The following IBTK variants were observed in gnomAD, a reference collection of about 807,000 sequenced individuals.
IBTK encodes BTK-binding protein.
In IBTK, 83 loss-of-function variants were observed where a neutral mutation model predicts 154.9. That is an observed-to-expected ratio of 0.54 (90% CI 0.45 to 0.64). The LOEUF (loss-of-function observed/expected upper bound fraction) is 0.64, where lower values mean the gene tolerates loss of function less well. Among genes scored for constraint, IBTK ranks in the 30% least tolerant of loss-of-function variants. IBTK has a pLI of 0.00. For missense variants in IBTK, 1,332 were observed against 1,584.6 expected (o/e 0.84, Z 2.71); for synonymous variants, 515 against 536.1 (o/e 0.96, Z 0.54).
chr6:82,236,945 T>C (rs1027574370), intron 2 of IBTK, among the ~76,000 whole-genome samples: 2 of 152,226 alleles, frequency 1.3e-5, no homozygotes, highest in African/African-American at 2.4e-5. Context: ...CACTGTTATG[T>C]ATCTATCACT....
At position 82,214,387 on chromosome 6, in the gene IBTK, C is replaced by T. The variant is rs1045050186; in HGVS notation, c.2044G>A (p.Ala682Thr). The T allele has an allele frequency of 6.2e-7, 1 of 1,613,998 alleles. No homozygotes were observed. The highest frequency in any genetic ancestry group is 8.5e-7 in the Non-Finnish European group (1 of 1,179,938). The change falls in exon 12 of 29, where the codon GCA (alanine) becomes ACA (threonine). Residue 682 changes from alanine to threonine, a missense_variant. This residue lies in a region of IBTK where 1,134 missense variants were observed against 1,274.7 expected (regional missense o/e 0.89). Transcript: ENST00000306270. ...TGATTACTTTTGTAAACTTCAAATG[C>T]AGACTTCTGGTTATCATCTTCATGG... ...NFHEDDNQKS[A>T]FEVYKSNQAQ...
At chr6:82,191,015 A>T in intron 25 of IBTK, 58 bp downstream of exon 25, 1 of 1,262,710 alleles carries the variant, frequency 7.9e-7, no homozygotes, top group African/African-American at 1.6e-5. Context: ...AAAGTCAAGT[A>T]CTACCTTAAA....
intron 19 of IBTK, 111 bp from the exon 20 acceptor site, chr6:82,200,819 T>C: frequency 8.2e-7 from 1 of 1,214,266 alleles, no homozygotes; most frequent in Non-Finnish European, 1.1e-6. Context: ...CCAGGCTGTT[T>C]GGAACACCTG....
chr6:82,198,358 T>C (rs937729322), intron 21 of IBTK, among the ~76,000 whole-genome samples: 11 of 152,140 alleles, frequency 7.2e-5, no homozygotes, highest in Non-Finnish European at 1.6e-4. Context: ...TCACAGAATT[T>C]TAAATTTAGA....
At chr6:82,224,649 TGA>T (rs1770228899) in intron 6 of IBTK, among the ~76,000 whole-genome samples, 2 of 152,312 alleles carry the variant, frequency 1.3e-5, no homozygotes, top group East Asian at 3.9e-4. Flanking sequence ...GCTGTGCACA[TGA>T]GAGTAAAAAA....
At chr6:82,202,711 A>G (rs1381602404) in intron 17 of IBTK, 66 bp from the exon 18 acceptor site, 2 of 826,490 alleles carry the variant, frequency 2.4e-6, no homozygotes, top group Admixed American at 2.5e-5. Flanking sequence ...AATAAAATAC[A>G]TTTATGTCTA....
chr6:82,209,273 T>C (rs531561461), intron 16 of IBTK, among the ~76,000 whole-genome samples: 1 of 152,124 alleles, frequency 6.6e-6, no homozygotes, highest in South Asian at 2.1e-4. Context: ...TAGGCATGAG[T>C]GTTCACAGCA....
chr6:82,228,624 CT>C (rs753768771), intron 4 of IBTK, among the ~76,000 whole-genome samples: 238 of 142,978 alleles, frequency 1.7e-3, no homozygotes, highest in Middle Eastern at 0.011. Flanking sequence ...AAACCCCAGA[CT>C]TTTTTTTTTT....
At position 82,216,210 on chromosome 6, in the gene IBTK, A is replaced by G. The variant is rs1290481888; in HGVS notation, c.1467T>C (p.Ser489=). The change falls in exon 11 of 29, where the codon TCT becomes TCC. Residue 489 remains serine (S), a synonymous_variant. Transcript: ENST00000306270. ...SNLHNSSSDV[S]YVSDINSVYE... ...ACACACTATTTATATCAGAGACATA[A>G]GACACATCTGATGAGGAATTGTGAA... 1 of 1,601,770 alleles carries G rather than the reference A, an allele frequency of 6.2e-7. No homozygotes were observed. The highest frequency in any genetic ancestry group is 1.3e-5 in the African/African-American group (1 of 74,306).
chr6:82,177,602 T>C lies in IBTK; in HGVS notation c.3726-4164A>G, dbSNP rs143458796. Among the ~76,000 whole-genome samples, 827 of 152,054 alleles carry C rather than the reference T, an allele frequency of 5.4e-3. 9 individuals carry two copies. The highest frequency in any genetic ancestry group is 0.019 in the African/African-American group (793 of 41,458). On this transcript the variant is annotated intron_variant, in intron 26 of 28. Transcript: ENST00000306270. ...GCTAATTTTATATTTTTAGTAGAGATAGGGTTTCTCCATGTTGGTCAGGCT... is the reference window on the plus strand; with the variant it reads ...GCTAATTTTATATTTTTAGTAGAGACAGGGTTTCTCCATGTTGGTCAGGCT...
At chr6:82,224,209 C>T (rs1335082719) in intron 6 of IBTK, 24 bp from the exon 7 acceptor site, 1 of 1,472,762 alleles carries the variant, frequency 6.8e-7, no homozygotes, top group Non-Finnish European at 9.5e-7. Flanking sequence ...AATAAAACTG[C>T]AATTTACTAT....
chr6:82,218,698 A>T (rs2127817829), intron 9 of IBTK, among the ~76,000 whole-genome samples: 1 of 152,316 alleles, frequency 6.6e-6, no homozygotes, highest in East Asian at 1.9e-4. Context: ...GGGATGGAGA[A>T]TGATGAGAGA....
intron 4 of IBTK, 64 bp from the exon 5 acceptor site, chr6:82,227,366 A>C: frequency 1.1e-6 from 1 of 943,968 alleles, no homozygotes; most frequent in Admixed American, 2.5e-5. Context: ...TTTTATGAAA[A>C]AGAAATAGAA....
intron 8 of IBTK, 120 bp from the exon 9 acceptor site, chr6:82,220,833 A>T: frequency 1.2e-6 from 1 of 837,912 alleles, no homozygotes; most frequent in Non-Finnish European, 1.8e-6. Context: ...GGTGAAGTAA[A>T]ATGATTTGGT....
chr6:82,191,697 G>GA (rs747676397), intron 24 of IBTK, 90 bp downstream of exon 24: 3 of 847,886 alleles, frequency 3.5e-6, no homozygotes, highest in Non-Finnish European at 6.0e-6. Context: ...ATCAAATGCA[G>GA]AAAAATAATA....
intron 13 of IBTK, 83 bp downstream of exon 13, chr6:82,212,624 A>T (rs1207092676): frequency 4.8e-6 from 4 of 835,920 alleles, no homozygotes; most frequent in Non-Finnish European, 8.3e-6. Flanking sequence ...ATTTTGCTTC[A>T]TATGTGGGTA....
At chr6:82,186,633 T>A (rs1218589825) in intron 25 of IBTK, among the ~76,000 whole-genome samples, 1 of 152,158 alleles carries the variant, frequency 6.6e-6, no homozygotes. Context: ...AAAGTATGCC[T>A]GTATAGTCTT....
At chr6:82,195,243 A>G (rs1451262567) in intron 22 of IBTK, among the ~76,000 whole-genome samples, 1 of 152,074 alleles carries the variant, frequency 6.6e-6, no homozygotes, top group East Asian at 1.9e-4. Flanking sequence ...CTTAGTGTGA[A>G]TATAAATTGC....
rs1013186872 is a variant in IBTK at position 82,213,922 on chromosome 6, G to C, written c.2204+305C>G. Among the ~76,000 whole-genome samples, 4 of 151,170 alleles carry C rather than the reference G, an allele frequency of 2.6e-5. No individual in the cohort carries two copies. In the East Asian group the frequency reaches 7.9e-4, roughly 30 times the overall value. On this transcript the variant is annotated intron_variant, in intron 12 of 28. Coordinates refer to ENST00000306270, the MANE Select transcript of IBTK (RefSeq NM_015525.4). ...ACAAGTGGGAGGAGACTTGGGGAGGGGAAAGAAAAGCAAAGCAAGGCAAAA... is the reference window on the plus strand; with the variant it reads ...ACAAGTGGGAGGAGACTTGGGGAGGCGAAAGAAAAGCAAAGCAAGGCAAAA...
Sources: allele counts gnomAD v4.1 joint callset (sites outside exome capture counted in the v4.1 genomes callset), GRCh38; gene constraint gnomAD v4.1.1; regional missense constraint gnomAD v4.1.1; transcripts MANE v1.5; gene names NCBI Gene and HGNC (gene_info 2026-07-23, HGNC 2026-07-21).